PCDHGB3: variants seen among roughly 807,000 people sequenced by gnomAD.
The protein encoded by PCDHGB3 is protocadherin gamma subfamily B, 3.
Under a neutral mutation model 59.2 loss-of-function variants are expected in PCDHGB3, and 40 were observed. The observed-to-expected ratio is 0.68, with a 90% confidence interval of 0.52 to 0.88. PCDHGB3 has a LOEUF of 0.88. Ranked by LOEUF, PCDHGB3 falls within the 40% of genes least tolerant of loss-of-function variation. PCDHGB3 has a pLI of 0.00. For missense variants in PCDHGB3, 1,309 were observed against 1,187.9 expected (o/e 1.10, Z -1.50); for synonymous variants, 581 against 503.6 (o/e 1.15, Z -2.06).
intron 1 of PCDHGB3, chr5:141,384,840 G>C: frequency 6.2e-7 from 1 of 1,613,610 alleles, no homozygotes; most frequent in African/African-American, 1.3e-5. Flanking sequence ...TGGCCGTCCA[G>C]GACCACGGTC....
At position 141,477,177 on chromosome 5, in the gene PCDHGB3, T is replaced by C; in HGVS notation, c.2416-17630T>C. The C allele has an allele frequency of 6.2e-7, 1 of 1,614,160 alleles. No individual in the cohort carries two copies. On this transcript the variant is annotated intron_variant, in intron 1 of 3. Coordinates refer to ENST00000576222, the MANE Select transcript of PCDHGB3 (RefSeq NM_018924.5). This position sits in a 1 kb window ranked among gnomAD's most constrained non-coding sequence, Gnocchi z 4.9. Reference sequence around the variant, plus strand: ...AATGACAACGCCCCGGAGATCACAGTCACCTCCGTGTACAGCCCAGTACCC... The same window carrying C: ...AATGACAACGCCCCGGAGATCACAGCCACCTCCGTGTACAGCCCAGTACCC...
Position 141,413,878 on chromosome 5 carries a change from A to G in PCDHGB3, c.2415+41069A>G, listed in dbSNP as rs752517949. ...ATCTGGCACTGTCCTTGTCAGTGTGACTGTCTTCGATGCAAATGACAACGC... is the reference window on the plus strand; with the variant it reads ...ATCTGGCACTGTCCTTGTCAGTGTGGCTGTCTTCGATGCAAATGACAACGC... On this transcript the variant is annotated intron_variant, in intron 1 of 3. Coordinates refer to ENST00000576222, the MANE Select transcript of PCDHGB3 (RefSeq NM_018924.5). 2.5e-6 allele frequency: 4 copies of G among 1,613,272 alleles called. No individual in the cohort carries two copies. The South Asian group carries it at 3.3e-5, about 13-fold the overall frequency.
At position 141,372,728 on chromosome 5, in the gene PCDHGB3, A is replaced by G. The variant is rs1769012432; in HGVS notation, c.2334A>G (p.Gln778=). 2 of 1,613,562 alleles carry G rather than the reference A, an allele frequency of 1.2e-6. No individual in the cohort carries two copies. Among genetic ancestry groups the G allele is most frequent in the African/African-American group, 2.7e-5 (2 of 74,922 alleles). ...TAAAGGCTGAAAATGCTGCACCACA[A>G]GATCTTCTATGTGATGAAGCCTCTT... ...LNIKAENAAP[Q]DLLCDEASWF... Residue 778 remains glutamine (Q), a synonymous_variant, in exon 1 of 4, where the codon CAA becomes CAG. Coordinates refer to ENST00000576222, the MANE Select transcript of PCDHGB3 (RefSeq NM_018924.5).
rs769717528 is a variant in PCDHGB3, at chr5:141,390,239, C to G, written c.2415+17430C>G. ...TACTTTGCGGTGATTCATCTGGGGCCTTATTTCCACTTTGTAATTCCAGTG... is the reference window on the plus strand; with the variant it reads ...TACTTTGCGGTGATTCATCTGGGGCGTTATTTCCACTTTGTAATTCCAGTG... On this transcript the variant is annotated intron_variant, in intron 1 of 3. Coordinates refer to ENST00000576222, the MANE Select transcript of PCDHGB3 (RefSeq NM_018924.5). 32 of 1,613,904 alleles carry G rather than the reference C, an allele frequency of 2.0e-5. No homozygotes were observed. In the Admixed American group the frequency reaches 5.3e-4, roughly 27 times the overall value.
At chr5:141,499,908 G>T (rs903753761) in intron 2 of PCDHGB3, among the ~76,000 whole-genome samples, 1 of 151,980 alleles carries the variant, frequency 6.6e-6, no homozygotes, top group African/African-American at 2.4e-5. Flanking sequence ...GGCTGGTCTT[G>T]AACTCCTGGC....
intron 1 of PCDHGB3, chr5:141,402,822 C>G (rs1038768509): frequency 7.7e-7 from 1 of 1,302,260 alleles, no homozygotes; most frequent in African/African-American, 1.5e-5. Flanking sequence ...CAAACCTGCT[C>G]CCAGGCTGCA....
At chr5:141,492,506 C>T (rs2154587372) in intron 1 of PCDHGB3, among the ~76,000 whole-genome samples, 2 of 152,318 alleles carry the variant, frequency 1.3e-5, no homozygotes, top group South Asian at 4.1e-4. Context: ...ACTCCGGAGC[C>T]TCCTCTCACC....
At chr5:141,398,797 G>A (rs1338071296) in intron 1 of PCDHGB3, 2 of 1,613,898 alleles carry the variant, frequency 1.2e-6, no homozygotes, top group South Asian at 1.1e-5. Flanking sequence ...ACCCCTAAGC[G>A]GCACCACTGA....
intron 1 of PCDHGB3, among the ~76,000 whole-genome samples, chr5:141,402,461 C>T (rs892900332): frequency 6.6e-6 from 1 of 151,994 alleles, no homozygotes; most frequent in Non-Finnish European, 1.5e-5. Context: ...GTTTACATAT[C>T]TAGAAATAGA....
chr5:141,397,509 T>G (rs2093532710), intron 1 of PCDHGB3, among the ~76,000 whole-genome samples: 1 of 152,204 alleles, frequency 6.6e-6, no homozygotes, highest in African/African-American at 2.4e-5. Flanking sequence ...TAAAATTGTT[T>G]CCATAGCTAA....
intron 1 of PCDHGB3, among the ~76,000 whole-genome samples, chr5:141,439,221 T>G (rs145700274): frequency 1.2e-3 from 182 of 151,852 alleles, no homozygotes; most frequent in African/African-American, 4.3e-3. Flanking sequence ...ATGTGAAAAT[T>G]CTTAGAAGCT....
chr5:141,432,138 A>C lies in PCDHGB3; in HGVS notation c.2415+59329A>C, dbSNP rs2097456794. On this transcript the variant is annotated intron_variant, in intron 1 of 3. Coordinates refer to ENST00000576222, the MANE Select transcript of PCDHGB3 (RefSeq NM_018924.5). The surrounding 1 kb of genome is among the most constrained non-coding windows in gnomAD (Gnocchi z 6.0). ...TTCCCTCAGGCCTCCTATTCCGCTT[A>C]TATCCCAGAGAACAATCCCAGAGGA... 1 of 1,613,954 alleles carries C rather than the reference A, an allele frequency of 6.2e-7. No individual in the cohort carries two copies. Among genetic ancestry groups the C allele is most frequent in the African/African-American group, 1.3e-5 (1 of 74,882 alleles).
intron 1 of PCDHGB3, chr5:141,427,723 G>T: frequency 8.9e-7 from 1 of 1,127,490 alleles, no homozygotes; most frequent in East Asian, 2.4e-5. Flanking sequence ...CTGGACCTAG[G>T]GCTGAATGGC....
At chr5:141,421,993 A>G in intron 1 of PCDHGB3, 1 of 1,609,190 alleles carries the variant, frequency 6.2e-7, no homozygotes, top group South Asian at 1.1e-5. Flanking sequence ...TCCAGAAAAC[A>G]TCAGCTCCGG....
In PCDHGB3 at chr5:141,477,772, C is replaced by G. The variant is rs760319541; in HGVS notation, c.2416-17035C>G. The G allele has an allele frequency of 1.5e-5, 25 of 1,613,908 alleles. No homozygotes were observed. Among genetic ancestry groups the G allele is most frequent in the Non-Finnish European group, 2.1e-5 (25 of 1,180,042 alleles). On this transcript the variant is annotated intron_variant, in intron 1 of 3. Coordinates refer to ENST00000576222, the MANE Select transcript of PCDHGB3 (RefSeq NM_018924.5). This position sits in a 1 kb window ranked among gnomAD's most constrained non-coding sequence, Gnocchi z 4.9. Reference sequence around the variant, plus strand: ...CCCCGGTCCTAGCCACCAACATCAGCGTGAACATATTTGTCACTGATCGCA... The same window carrying G: ...CCCCGGTCCTAGCCACCAACATCAGGGTGAACATATTTGTCACTGATCGCA...
intron 1 of PCDHGB3, chr5:141,428,270 C>T (rs1353416356): frequency 1.3e-6 from 1 of 778,952 alleles, no homozygotes. Flanking sequence ...AGTCCTGTGC[C>T]CTCTGATTCC....
chr5:141,375,605 A>C, intron 1 of PCDHGB3: 2 of 1,614,082 alleles, frequency 1.2e-6, no homozygotes, highest in Non-Finnish European at 1.7e-6. Flanking sequence ...CGTGTCCATC[A>C]ACTCCGACAC....
chr5:141,403,109 G>A (rs754708762), intron 1 of PCDHGB3: 3 of 1,614,074 alleles, frequency 1.9e-6, no homozygotes. Context: ...CAAGGACCTG[G>A]CTCTGGAGCC....
intron 1 of PCDHGB3, chr5:141,415,740 G>GTGT: frequency 1.6e-6 from 1 of 617,992 alleles, no homozygotes; most frequent in Non-Finnish European, 2.1e-6. Context: ...GTTTATTAAG[G>GTGT]TTTTTTTTTT....
Sources: allele counts gnomAD v4.1 joint callset (sites outside exome capture counted in the v4.1 genomes callset), GRCh38; gene constraint gnomAD v4.1.1; non-coding constraint Gnocchi (gnomAD v3.1); transcripts MANE v1.5; gene names NCBI Gene and HGNC (gene_info 2026-07-23, HGNC 2026-07-21).